Variants in MRPL38 observed in about 807,000 individuals in gnomAD.
MRPL38 encodes mitochondrial ribosomal protein L38, also known as large ribosomal subunit protein mL38.
A neutral mutation model predicts 52.1 loss-of-function variants in MRPL38; 51 were observed. The observed-to-expected ratio is 0.98, with a 90% CI of 0.78 to 1.24. The LOEUF is 1.24. Among genes scored for constraint, MRPL38 ranks in the 50% most tolerant of loss-of-function variants. The pLI is 0.00. For synonymous variants in MRPL38, 245 were observed against 212.7 expected (o/e 1.15, Z -1.32); for missense variants, 527 against 518.6 (o/e 1.02, Z -0.16).
chr17:75,900,333 C>A, intron 6 of MRPL38: 1 of 152,468 alleles, frequency 6.6e-6, no homozygotes, highest in Non-Finnish European at 1.5e-5. Flanking sequence ...GCTGCTAGGC[C>A]TCTCCCGCTC....
At chr17:75,902,759 T>A (rs927497538) in intron 2 of MRPL38, among the ~76,000 whole-genome samples, 11 of 152,174 alleles carry the variant, frequency 7.2e-5, no homozygotes, top group African/African-American at 2.7e-4. Flanking sequence ...TCTCACTCTC[T>A]CGCCCAGGCT....
In MRPL38 at chr17:75,904,854, C is replaced by G; in HGVS notation, c.22G>C (p.Ala8Pro). The stretch of plus-strand genomic sequence containing the variant: ...CATCTCCGACACTCGCACAGCGCGG[C>G]TCGCCACCAGGGCGCCGCCATCTTC... Reference protein sequence around the residue: MAAPWWRAALCECRRWRG... With the variant: MAAPWWRPALCECRRWRG... The change falls in exon 1 of 9, where the codon GCC (alanine) becomes CCC (proline). Residue 8 changes from alanine (A) to proline (P), a missense_variant. By Grantham distance (27) the Ala-to-Pro change is conservative (BLOSUM62 -1). Coordinates refer to ENST00000309352, the MANE Select transcript of MRPL38 (RefSeq NM_032478.4). 2 of 1,525,448 alleles carry G rather than the reference C, an allele frequency of 1.3e-6. No homozygotes were observed. The highest frequency in any genetic ancestry group is 1.7e-6 in the Non-Finnish European group (2 of 1,143,402). 94.5% of individuals were successfully genotyped at this position (1,525,448 alleles called of 1,614,324 possible). A position where few individuals can be genotyped will look rare whatever the true frequency, so the allele number is the denominator to read the frequency against.
rs2065404386 is a variant in MRPL38 at position 75,901,533 on chromosome 17, A to G, written c.591+179T>C. The G allele has an allele frequency of 4.4e-6, 3 of 678,002 alleles. No individual in the cohort carries two copies. The highest frequency in any genetic ancestry group is 1.8e-5 in the South Asian group (1 of 55,906). 42.0% of individuals were successfully genotyped at this position (678,002 alleles called of 1,614,324 possible). A position where few individuals can be genotyped will look rare whatever the true frequency, so the allele number is the denominator to read the frequency against. On this transcript the variant is annotated intron_variant, in intron 4 of 8. Coordinates refer to ENST00000309352, the MANE Select transcript of MRPL38 (RefSeq NM_032478.4). This position sits in a 1 kb window ranked among gnomAD's most constrained non-coding sequence, Gnocchi z 5.7. Reference sequence around the variant, plus strand: ...GCTGGTCACAGGAATGTGCTAAGACAGAGCCTCTTTTTCCTTCATTTTGTT... The same window carrying G: ...GCTGGTCACAGGAATGTGCTAAGACGGAGCCTCTTTTTCCTTCATTTTGTT...
At position 75,901,420 on chromosome 17, in the gene MRPL38, C is replaced by G; in HGVS notation, c.592-147G>C. On this transcript the variant is annotated intron_variant, in intron 4 of 8. Transcript: ENST00000309352. This position sits in a 1 kb window ranked among gnomAD's most constrained non-coding sequence, Gnocchi z 5.7. ...GCAGGCAAAGGGATGCGTAGAGAAG[C>G]AGCCCTGCAGAGTTGCCTGTCCAGG... 1 of 805,248 alleles carries G rather than the reference C, an allele frequency of 1.2e-6. No individual in the cohort carries two copies. 49.9% of individuals were successfully genotyped at this position (805,248 alleles called of 1,614,324 possible).
chr17:75,901,699 A>G lies in MRPL38; in HGVS notation c.591+13T>C, dbSNP rs764437077. Reference sequence around the variant, plus strand: ...GCACAGGGCAGGGAGGAGGGGCACAAGTGAGTGGTTACCTCGGTTGGAGTC... The same window carrying G: ...GCACAGGGCAGGGAGGAGGGGCACAGGTGAGTGGTTACCTCGGTTGGAGTC... On this transcript the variant is annotated intron_variant, in intron 4 of 8. Coordinates refer to ENST00000309352, the MANE Select transcript of MRPL38 (RefSeq NM_032478.4). The surrounding 1 kb of genome is among the most constrained non-coding windows in gnomAD (Gnocchi z 5.7). The G allele has an allele frequency of 6.2e-7, 1 of 1,611,974 alleles. No individual in the cohort carries two copies. The highest frequency in any genetic ancestry group is 8.5e-7 in the Non-Finnish European group (1 of 1,178,152).
rs1204008123 is a variant in MRPL38 at position 75,904,859 on chromosome 17, C to G, written c.17G>C (p.Trp6Ser). MAAPW[W>S]RAALCECRRW... ...CCGACACTCGCACAGCGCGGCTCGC[C>G]ACCAGGGCGCCGCCATCTTCCCTCC... Residue 6 changes from tryptophan to serine, a missense_variant, in exon 1 of 9, where the codon TGG (tryptophan) becomes TCG (serine). Coordinates refer to ENST00000309352, the MANE Select transcript of MRPL38 (RefSeq NM_032478.4). 1.3e-6 allele frequency: 2 copies of G among 1,527,200 alleles called. No homozygotes were observed. Among genetic ancestry groups the G allele is most frequent in the Admixed American group, 2.0e-5 (1 of 50,362 alleles). The allele number at this position is 1,527,200 out of a possible 1,614,324, so 94.6% of individuals were successfully genotyped here.
chr17:75,901,374 G>A lies in MRPL38; in HGVS notation c.592-101C>T. The A allele has an allele frequency of 2.6e-6, 3 of 1,174,752 alleles. No homozygotes were observed. The South Asian group carries it at 3.9e-5, about 15-fold the overall frequency. 72.8% of individuals were successfully genotyped at this position (1,174,752 alleles called of 1,614,324 possible). A position where few individuals can be genotyped will look rare whatever the true frequency, so the allele number is the denominator to read the frequency against. On this transcript the variant is annotated intron_variant, in intron 4 of 8. Transcript: ENST00000309352. This position sits in a 1 kb window ranked among gnomAD's most constrained non-coding sequence, Gnocchi z 5.7. Reference sequence around the variant, plus strand: ...TGCCCACTCTGACCCAAAAGCCCTTGACAACCCCTGGCACAGGCAGGCAGG... The same window carrying A: ...TGCCCACTCTGACCCAAAAGCCCTTAACAACCCCTGGCACAGGCAGGCAGG...
chr17:75,903,474 A>G (rs2065414457), intron 2 of MRPL38, among the ~76,000 whole-genome samples: 1 of 152,228 alleles, frequency 6.6e-6, no homozygotes, highest in African/African-American at 2.4e-5. Context: ...GCATTAGGCA[A>G]AAATGCCAAT....
Position 75,898,838 on chromosome 17 carries a change from C to T in MRPL38, c.*12G>A, listed in dbSNP as rs2065388826. On this transcript the variant is annotated 3_prime_UTR_variant, in exon 9 of 9. Transcript: ENST00000309352. ...TCAATCCCATGCTCTGAAATGCGCACACTCTGGCTCCTTAGTAGATGCCAT... is the reference window on the plus strand; with the variant it reads ...TCAATCCCATGCTCTGAAATGCGCATACTCTGGCTCCTTAGTAGATGCCAT... The T allele has an allele frequency of 1.9e-6, 3 of 1,611,576 alleles. No homozygotes were observed. The highest frequency in any genetic ancestry group is 2.5e-6 in the Non-Finnish European group (3 of 1,179,398).
chr17:75,903,146 C>T (rs897046263), intron 2 of MRPL38, among the ~76,000 whole-genome samples: 5 of 152,194 alleles, frequency 3.3e-5, no homozygotes, highest in Non-Finnish European at 7.3e-5. Flanking sequence ...CTATGGCTCA[C>T]GCCTGTAATC....
intron 2 of MRPL38, 47 bp downstream of exon 2, chr17:75,904,493 G>A: frequency 6.8e-7 from 1 of 1,470,724 alleles, no homozygotes; most frequent in Non-Finnish European, 9.0e-7. Flanking sequence ...GGCGGGTCCC[G>A]AGTTCCCCGG....
chr17:75,898,737 GA>G lies in MRPL38; in HGVS notation c.*112del. Reference sequence around the variant, plus strand: ...CTGGGCCTGACGGGAGGGGGCCAAAGAGGGGGGCTGCCTAAGGCAGGGCCCA... The same window carrying G: ...CTGGGCCTGACGGGAGGGGGCCAAAGGGGGGGCTGCCTAAGGCAGGGCCCA... On this transcript the variant is annotated 3_prime_UTR_variant, in exon 9 of 9. Coordinates refer to ENST00000309352, the MANE Select transcript of MRPL38 (RefSeq NM_032478.4). The G allele has an allele frequency of 2.2e-6, 3 of 1,362,576 alleles. No individual in the cohort carries two copies. In the East Asian group the frequency reaches 7.5e-5, roughly 34 times the overall value. 84.4% of individuals were successfully genotyped at this position (1,362,576 alleles called of 1,614,324 possible). A position where few individuals can be genotyped will look rare whatever the true frequency, so the allele number is the denominator to read the frequency against.
At position 75,898,701 on chromosome 17, in the gene MRPL38, C is replaced by A; in HGVS notation, c.*149G>T. On this transcript the variant is annotated 3_prime_UTR_variant, in exon 9 of 9. Coordinates refer to ENST00000309352, the MANE Select transcript of MRPL38 (RefSeq NM_032478.4). Reference sequence around the variant, plus strand: ...CACCCCACCACCTGAGAGTCACTTTCACTCCAAGCCCTGGGCCTGACGGGA... The same window carrying A: ...CACCCCACCACCTGAGAGTCACTTTAACTCCAAGCCCTGGGCCTGACGGGA... The A allele has an allele frequency of 1.2e-6, 1 of 866,998 alleles. No homozygotes were observed. The allele number at this position is 866,998 out of a possible 1,614,324, so 53.7% of individuals were successfully genotyped here.
At chr17:75,903,933 G>C (rs963177504) in intron 2 of MRPL38, among the ~76,000 whole-genome samples, 8 of 152,140 alleles carry the variant, frequency 5.3e-5, no homozygotes, top group Non-Finnish European at 7.3e-5. Flanking sequence ...TCTCCATGTT[G>C]GTCAGGCTGG....
intron 8 of MRPL38, 73 bp from the exon 9 acceptor site, chr17:75,899,059 G>A: frequency 6.5e-7 from 1 of 1,532,038 alleles, no homozygotes; most frequent in Non-Finnish European, 8.8e-7. Flanking sequence ...GCCCACCAGG[G>A]ACCTGCCGCA....
At chr17:75,900,951 C>A in intron 6 of MRPL38, 31 bp downstream of exon 6, 1 of 1,566,216 alleles carries the variant, frequency 6.4e-7, no homozygotes, top group Admixed American at 1.8e-5. Flanking sequence ...GCCTGGGCAG[C>A]ACCCCCTACC....
Position 75,901,828 on chromosome 17 carries a change from G to T in MRPL38, c.475C>A (p.Arg159=). The T allele has an allele frequency of 6.2e-7, 1 of 1,613,470 alleles. No individual in the cohort carries two copies. The highest frequency in any genetic ancestry group is 8.5e-7 in the Non-Finnish European group (1 of 1,179,874). The change falls in exon 4 of 9, where the codon CGA becomes AGA. Residue 159 remains arginine, a synonymous_variant. Transcript: ENST00000309352. The surrounding 1 kb of genome is among the most constrained non-coding windows in gnomAD (Gnocchi z 5.7). ...AAGGTGGCACCGTGGAACAGGTCTCGGTAGAGGCCGTAATACTCAGCCAGA... is the reference window on the plus strand; with the variant it reads ...AAGGTGGCACCGTGGAACAGGTCTCTGTAGAGGCCGTAATACTCAGCCAGA... The part of the protein sequence containing the change: ...QRLAEYYGLY[R]DLFHGATFVP...
chr17:75,903,028 G>A (rs1157209231), intron 2 of MRPL38, among the ~76,000 whole-genome samples: 1 of 152,148 alleles, frequency 6.6e-6, no homozygotes, highest in Non-Finnish European at 1.5e-5. Context: ...AATTATAGTT[G>A]AGATCACCTC....
At chr17:75,900,665 T>C (rs931218615) in intron 6 of MRPL38, 8 of 788,032 alleles carry the variant, frequency 1.0e-5, no homozygotes, top group Non-Finnish European at 1.3e-5. Flanking sequence ...CGGCTGCAAT[T>C]AGCCATGATT....
Sources: gnomAD v4.1 joint callset for allele counts (sites outside exome capture counted in the v4.1 genomes callset) on GRCh38, gnomAD v4.1.1 for gene constraint, Gnocchi (gnomAD v3.1) non-coding constraint, MANE v1.5 for transcripts, NCBI Gene and HGNC (gene_info 2026-07-23, HGNC 2026-07-21) for gene names.